Variants in PREPL observed in about 807,000 individuals in gnomAD.
PREPL encodes the protein prolyl endopeptidase like.
Under a neutral mutation model 70.6 loss-of-function variants are expected in PREPL, and 77 were observed. That is an observed-to-expected ratio of 1.09 (90% CI 0.91 to 1.32). The LOEUF (loss-of-function observed/expected upper bound fraction) is 1.32, where lower values mean the gene tolerates loss of function less well. PREPL is among the 40% of genes most tolerant of loss of function. The probability of loss-of-function intolerance (pLI) is 0.00; values close to 1 mark genes in which losing one functional copy is unlikely to be tolerated. For synonymous variants in PREPL, 315 were observed against 264.8 expected (o/e 1.19, Z -1.84); for missense variants, 1,002 against 778.2 (o/e 1.29, Z -3.42).
intron 1 of PREPL, among the ~76,000 whole-genome samples, chr2:44,349,537 T>C (rs1389986786): frequency 6.6e-6 from 1 of 152,048 alleles, no homozygotes; most frequent in African/African-American, 2.4e-5. Flanking sequence ...AGAGTAAGTC[T>C]TAAGGAAGTA....
In PREPL at chr2:44,320,554, G is replaced by A. The variant is rs370262167; in HGVS notation, c.*802C>T. The A allele has an allele frequency of 1.2e-4, 191 of 1,614,024 alleles. 1 individual carries two copies. Among genetic ancestry groups the A allele is most frequent in the Middle Eastern group, 3.3e-4 (2 of 6,060 alleles). ...CACAACACGAAGAATCTCCTTCATC[G>A]CCAAACAGCTTTCAGAGATAGATGC... On this transcript the variant is annotated 3_prime_UTR_variant, in exon 14 of 14. Transcript: ENST00000409411.
intron 4 of PREPL, among the ~76,000 whole-genome samples, chr2:44,343,120 A>T (rs1675407748): frequency 6.6e-6 from 1 of 152,210 alleles, no homozygotes. Flanking sequence ...AAAGGTTATA[A>T]AATGTACAAA....
chr2:44,349,246 A>T (rs1676144389), intron 1 of PREPL, among the ~76,000 whole-genome samples: 1 of 152,224 alleles, frequency 6.6e-6, no homozygotes. Context: ...AAGACTAATT[A>T]GCCATTAGTA....
intron 4 of PREPL, among the ~76,000 whole-genome samples, chr2:44,343,440 T>C (rs1305156199): frequency 1.3e-5 from 2 of 152,202 alleles, no homozygotes; most frequent in Non-Finnish European, 2.9e-5. Context: ...AGATGCAACT[T>C]ACGTGTAAAA....
chr2:44,354,382 C>T (rs1676783448), intron 1 of PREPL, among the ~76,000 whole-genome samples: 1 of 152,060 alleles, frequency 6.6e-6, no homozygotes, highest in Non-Finnish European at 1.5e-5. Flanking sequence ...TCTTTAAGGA[C>T]CTCCCAATAT....
intron 1 of PREPL, chr2:44,359,999 A>T (rs1337400392): frequency 2.7e-6 from 1 of 367,870 alleles, no homozygotes; most frequent in African/African-American, 2.1e-5. Flanking sequence ...TATCAGGCTC[A>T]AACTATGCAG....
intron 1 of PREPL, among the ~76,000 whole-genome samples, chr2:44,361,112 C>G (rs1348306994): frequency 6.6e-6 from 1 of 152,218 alleles, no homozygotes; most frequent in Non-Finnish European, 1.5e-5. Flanking sequence ...ATCCATCCAT[C>G]TTTCATCCCC....
chr2:44,329,159 TAAC>T (rs1673836794), intron 8 of PREPL, 47 bp from the exon 9 acceptor site: 7 of 1,468,534 alleles, frequency 4.8e-6, no homozygotes, highest in Non-Finnish European at 6.6e-6. Flanking sequence ...TCTTTTATAA[TAAC>T]TGTTTTATCC....
At chr2:44,327,126 T>C (rs1273783760) in intron 9 of PREPL, among the ~76,000 whole-genome samples, 198 bp from the exon 10 acceptor site, 5 of 152,172 alleles carry the variant, frequency 3.3e-5, no homozygotes, top group Non-Finnish European at 7.4e-5. Flanking sequence ...AATGTGACTA[T>C]GTAGCTCTTT....
At chr2:44,359,816 TCAG>T (rs1677477056) in intron 1 of PREPL, 2 of 768,984 alleles carry the variant, frequency 2.6e-6, no homozygotes, top group Admixed American at 2.4e-5. Flanking sequence ...GTAACTAAGA[TCAG>T]CAGTTCTCAT....
At chr2:44,346,843 C>T (rs1344093171) in intron 1 of PREPL, among the ~76,000 whole-genome samples, 1 of 152,036 alleles carries the variant, frequency 6.6e-6, no homozygotes, top group Non-Finnish European at 1.5e-5. Context: ...AAGTGGAAGA[C>T]ATTATCACTA....
At chr2:44,344,047 G>C in intron 3 of PREPL, 96 bp from the exon 4 acceptor site, 1 of 1,391,220 alleles carries the variant, frequency 7.2e-7, no homozygotes, top group Non-Finnish European at 9.5e-7. Context: ...TTCCCATTCT[G>C]TAAGAGGCCA....
In PREPL at chr2:44,339,087, T is replaced by C. The variant is rs973943200; in HGVS notation, c.702+60A>G. The stretch of plus-strand genomic sequence containing the variant: ...TGAGCTCTTGGAGCAAGAAATGTTG[T>C]TGATCGAAGTGTGACACTTCTTAAC... On this transcript the variant is annotated intron_variant, in intron 6 of 13. Coordinates refer to ENST00000409411, the MANE Select transcript of PREPL (RefSeq NM_001171613.2). 7 of 1,590,846 alleles carry C rather than the reference T, an allele frequency of 4.4e-6. No homozygotes were observed. In the Admixed American group the frequency reaches 5.2e-5, roughly 12 times the overall value.
intron 1 of PREPL, among the ~76,000 whole-genome samples, chr2:44,355,903 T>C (rs943071959): frequency 1.3e-5 from 2 of 152,084 alleles, no homozygotes; most frequent in Admixed American, 1.3e-4. Context: ...CAATTTCATT[T>C]TGTATCTTGT....
intron 2 of PREPL, among the ~76,000 whole-genome samples, chr2:44,344,866 A>C (rs1290798052): frequency 1.3e-5 from 2 of 152,242 alleles, no homozygotes; most frequent in Non-Finnish European, 2.9e-5. Context: ...ACAACTGTAC[A>C]AACCACTTCT....
At position 44,338,488 on chromosome 2, in the gene PREPL, A is replaced by G; in HGVS notation, c.751T>C (p.Phe251Leu). The G allele has an allele frequency of 6.2e-7, 1 of 1,612,714 alleles. No individual in the cohort carries two copies. The highest frequency in any genetic ancestry group is 8.5e-7 in the Non-Finnish European group (1 of 1,179,652). The change falls in exon 7 of 14, where the codon TTT (phenylalanine) becomes CTT (leucine). Residue 251 changes from phenylalanine to leucine, a missense_variant. By Grantham distance (22) the Phe-to-Leu change is conservative. Transcript: ENST00000409411. ...DTPAIMNWDL[F>L]FTMKRNTKVI... ...TTTGTATTTCTCTTCATTGTAAAAA[A>G]TAAATCCCAATTCATAATTGCAGGG...
At chr2:44,339,815 G>T (rs1020007835) in intron 5 of PREPL, among the ~76,000 whole-genome samples, 7 of 152,004 alleles carry the variant, frequency 4.6e-5, no homozygotes, top group African/African-American at 1.7e-4. Context: ...ACACAAATAG[G>T]GAATAAAAGG....
In PREPL at chr2:44,342,377, A is replaced by G. The variant is rs1398160199; in HGVS notation, c.485+40T>C. Reference sequence around the variant, plus strand: ...GTCAGTACTTTAAATAACTGGAGGAAGGTTCTGGAGAGAAAGATTTAATTA... The same window carrying G: ...GTCAGTACTTTAAATAACTGGAGGAGGGTTCTGGAGAGAAAGATTTAATTA... On this transcript the variant is annotated intron_variant, in intron 5 of 13. Coordinates refer to ENST00000409411, the MANE Select transcript of PREPL (RefSeq NM_001171613.2). 5 of 1,518,440 alleles carry G rather than the reference A, an allele frequency of 3.3e-6. No individual in the cohort carries two copies. The African/African-American group carries it at 4.2e-5, about 13-fold the overall frequency. The allele number at this position is 1,518,440 out of a possible 1,614,324, so 94.1% of individuals were successfully genotyped here.
chr2:44,328,329 C>A (rs1353787679), intron 9 of PREPL, among the ~76,000 whole-genome samples: 1 of 142,718 alleles, frequency 7.0e-6, no homozygotes, highest in Non-Finnish European at 1.5e-5. Flanking sequence ...CCCAGCTACT[C>A]AGGAGCCTGA....
Sources: allele counts gnomAD v4.1 joint callset (sites outside exome capture counted in the v4.1 genomes callset), GRCh38; gene constraint gnomAD v4.1.1; transcripts MANE v1.5; gene names NCBI Gene and HGNC (gene_info 2026-07-23, HGNC 2026-07-21).